The following ASTN2 variants were observed in gnomAD, a reference collection of about 807,000 sequenced individuals.
ASTN2 encodes the protein astrotactin 2, also known as astrotactin-2.
Under a neutral mutation model 139.8 loss-of-function variants are expected in ASTN2, and 54 were observed. The observed-to-expected ratio is 0.39, with a 90% CI of 0.31 to 0.48. The LOEUF (loss-of-function observed/expected upper bound fraction) is 0.48, where lower values mean the gene tolerates loss of function less well. ASTN2 is among the 20% of genes least tolerant of loss of function. The probability of loss-of-function intolerance (pLI) is 0.95; values close to 1 mark genes in which losing one functional copy is unlikely to be tolerated. For synonymous variants in ASTN2, 756 were observed against 719.5 expected (o/e 1.05, Z -0.81); for missense variants, 1,565 against 1,725.1 (o/e 0.91, Z 1.64).
At chr9:116,624,595 C>T (rs1027586732) in intron 17 of ASTN2, among the ~76,000 whole-genome samples, 2 of 151,728 alleles carry the variant, frequency 1.3e-5, no homozygotes, top group African/African-American at 4.9e-5. Context: ...TATTTAGAAA[C>T]ATCTACACAG....
intron 1 of ASTN2, among the ~76,000 whole-genome samples, chr9:117,353,405 T>C (rs1448603065): frequency 2.0e-5 from 3 of 152,176 alleles, no homozygotes; most frequent in Admixed American, 2.0e-4. Context: ...ACTGAGCACT[T>C]GAAATCTGGC....
At chr9:116,805,294 C>A (rs989661616) in intron 13 of ASTN2, among the ~76,000 whole-genome samples, 1 of 152,066 alleles carries the variant, frequency 6.6e-6, no homozygotes, top group Admixed American at 6.6e-5. Flanking sequence ...GAACAGCATG[C>A]ATAAAATACT....
intron 16 of ASTN2, among the ~76,000 whole-genome samples, chr9:116,722,402 A>T (rs1828497427): frequency 6.6e-6 from 1 of 152,242 alleles, no homozygotes; most frequent in Admixed American, 6.5e-5. Context: ...TATTTTAATC[A>T]GGCACATTCA....
intron 13 of ASTN2, among the ~76,000 whole-genome samples, chr9:116,776,890 G>T (rs1431198221): frequency 6.6e-6 from 1 of 152,076 alleles, no homozygotes; most frequent in Non-Finnish European, 1.5e-5. Flanking sequence ...GAGCGATAAG[G>T]GACACCAGAG....
At chr9:116,452,393 T>C (rs995622138) in intron 20 of ASTN2, among the ~76,000 whole-genome samples, 53 of 152,190 alleles carry the variant, frequency 3.5e-4, no homozygotes, top group Non-Finnish European at 4.4e-5. Context: ...TAACTAGCTA[T>C]GTGGCTTTGG....
chr9:117,033,758 A>C (rs1838310898), intron 6 of ASTN2, among the ~76,000 whole-genome samples: 1 of 152,082 alleles, frequency 6.6e-6, no homozygotes, highest in South Asian at 2.1e-4. Flanking sequence ...ATACCACGTC[A>C]TCTATGTGTT....
At chr9:117,359,961 T>C (rs1350384736) in intron 1 of ASTN2, among the ~76,000 whole-genome samples, 23 of 152,168 alleles carry the variant, frequency 1.5e-4, no homozygotes, top group Admixed American at 1.5e-3. Flanking sequence ...ACATCGGCTT[T>C]TCTCAGAAGG....
intron 10 of ASTN2, among the ~76,000 whole-genome samples, chr9:116,869,769 T>C (rs923126929): frequency 2.0e-5 from 3 of 152,084 alleles, no homozygotes; most frequent in African/African-American, 7.2e-5. Flanking sequence ...CAAACAATCA[T>C]AGACAATATG....
intron 16 of ASTN2, among the ~76,000 whole-genome samples, chr9:116,713,473 C>G (rs751721507): frequency 6.6e-6 from 1 of 152,068 alleles, no homozygotes; most frequent in Non-Finnish European, 1.5e-5. Flanking sequence ...CAAGGGGTTG[C>G]TAGGAAACAA....
chr9:117,146,463 T>A (rs1343525273), intron 3 of ASTN2, among the ~76,000 whole-genome samples: 6 of 118,152 alleles, frequency 5.1e-5, no homozygotes, highest in East Asian at 2.5e-4. Flanking sequence ...AAAGACAGGA[T>A]GGAAGAGGAG....
At chr9:116,965,186 T>G (rs1050325039) in intron 10 of ASTN2, among the ~76,000 whole-genome samples, 7 of 152,214 alleles carry the variant, frequency 4.6e-5, no homozygotes, top group Middle Eastern at 3.2e-3. Context: ...CCCCTAACCA[T>G]GTATCTGAGT....
intron 16 of ASTN2, among the ~76,000 whole-genome samples, chr9:116,703,891 C>A (rs1827920084): frequency 6.6e-6 from 1 of 152,186 alleles, no homozygotes; most frequent in East Asian, 1.9e-4. Context: ...CATGAAACAA[C>A]AGATGCCTGG....
chr9:117,056,852 A>T (rs1331956183), intron 5 of ASTN2, among the ~76,000 whole-genome samples: 1 of 152,240 alleles, frequency 6.6e-6, no homozygotes, highest in East Asian at 1.9e-4. Context: ...ACATGATTAG[A>T]GTCGCACAGG....
At chr9:116,974,141 A>G (rs1257479089) in intron 10 of ASTN2, among the ~76,000 whole-genome samples, 2 of 152,174 alleles carry the variant, frequency 1.3e-5, no homozygotes, top group Non-Finnish European at 2.9e-5. Flanking sequence ...AAGTAAAACT[A>G]CTCTATTCTT....
rs886063379 is a variant in ASTN2 at position 116,699,462 on chromosome 9, G to T, written c.2806+26309C>A. 11 of 1,614,096 alleles carry T rather than the reference G, an allele frequency of 6.8e-6. No individual in the cohort carries two copies. Among genetic ancestry groups the T allele is most frequent in the Admixed American group, 1.7e-5 (1 of 60,014 alleles). On this transcript the variant is annotated intron_variant, in intron 16 of 22. Coordinates refer to ENST00000313400, the MANE Select transcript of ASTN2 (RefSeq NM_001365068.1). The surrounding 1 kb of genome is among the most constrained non-coding windows in gnomAD (Gnocchi z 4.2). ...TAGCCACTTCTTCTCGGAGAATGAG[G>T]ATTTCCGCTGCATTGCTGGCATGTG... is the stretch of plus-strand genomic sequence containing the variant.
rs1468431615 is a variant in ASTN2 at position 117,139,601 on chromosome 9, A to G, written c.1168+1725T>C. Among the ~76,000 whole-genome samples the G allele has an allele frequency of 3.9e-5, 6 of 152,208 alleles. No homozygotes were observed. The South Asian group carries it at 1.0e-3, about 26-fold the overall frequency. ...GGATTCAAGATTTTACAAGATTAAGAATTAGACATCCTCTCAACAGATAGC... is the reference window on the plus strand; with the variant it reads ...GGATTCAAGATTTTACAAGATTAAGGATTAGACATCCTCTCAACAGATAGC... On this transcript the variant is annotated intron_variant, in intron 4 of 22. Transcript: ENST00000313400.
chr9:117,327,411 A>G (rs562184821), intron 1 of ASTN2, among the ~76,000 whole-genome samples: 1 of 152,294 alleles, frequency 6.6e-6, no homozygotes, highest in South Asian at 2.1e-4. Context: ...GTCCCATGGT[A>G]GAAATGCATG....
chr9:117,244,964 A>G (rs558148771), intron 2 of ASTN2, among the ~76,000 whole-genome samples: 1 of 152,288 alleles, frequency 6.6e-6, no homozygotes, highest in East Asian at 1.9e-4. Flanking sequence ...GGCAGATCTA[A>G]TGTCAATGAA....
chr9:116,513,562 G>A (rs961932352), intron 19 of ASTN2, among the ~76,000 whole-genome samples: 11 of 152,068 alleles, frequency 7.2e-5, no homozygotes, highest in Non-Finnish European at 1.3e-4. Context: ...GCTAGGTTGG[G>A]GAAGCTCTTC....
Sources: allele counts gnomAD v4.1 joint callset (sites outside exome capture counted in the v4.1 genomes callset), GRCh38; gene constraint gnomAD v4.1.1; non-coding constraint Gnocchi (gnomAD v3.1); transcripts MANE v1.5; gene names NCBI Gene and HGNC (gene_info 2026-07-23, HGNC 2026-07-21).